Variants in IL1R2 observed in about 807,000 individuals in gnomAD.
The protein encoded by IL1R2 is interleukin 1 receptor type 2, also known as interleukin-1 receptor type 2.
IL1R2 carries 46 observed loss-of-function variants against 39.5 expected under a neutral mutation model. The ratio of observed to expected loss-of-function variants is 1.16; its 90% CI spans 0.92 to 1.49. The LOEUF (loss-of-function observed/expected upper bound fraction) is 1.49, where lower values mean the gene tolerates loss of function less well. Among genes scored for constraint, IL1R2 ranks in the 40% most tolerant of loss-of-function variants. The probability of loss-of-function intolerance (pLI) is 0.00; values close to 1 mark genes in which losing one functional copy is unlikely to be tolerated. For missense variants in IL1R2, 537 were observed against 502.0 expected (o/e 1.07, Z -0.67); for synonymous variants, 207 against 189.6 (o/e 1.09, Z -0.75).
Position 102,009,543 on chromosome 2 carries a change from TG to T in IL1R2, c.68-16del. On this transcript the variant is annotated intron_variant, in intron 2 of 8. Coordinates refer to ENST00000332549, the MANE Select transcript of IL1R2 (RefSeq NM_004633.4). ...AAGTTTTGGACCCAAAGCCTGACCA[TG>T]GGCTCTCTGTCCTTCAGGGGCTGCC... The T allele has an allele frequency of 1.2e-6, 2 of 1,611,332 alleles. No homozygotes were observed. Among genetic ancestry groups the T allele is most frequent in the Non-Finnish European group, 1.7e-6 (2 of 1,178,370 alleles).
At chr2:102,021,608 C>T (rs942501262) in intron 5 of IL1R2, among the ~76,000 whole-genome samples, 1 of 152,220 alleles carries the variant, frequency 6.6e-6, no homozygotes, top group African/African-American at 2.4e-5. Flanking sequence ...GCCACTGCAC[C>T]CGGCCACCTC....
chr2:101,992,863 C>G (rs1379512041), intron 1 of IL1R2, among the ~76,000 whole-genome samples: 2 of 152,168 alleles, frequency 1.3e-5, no homozygotes, highest in Non-Finnish European at 2.9e-5. Flanking sequence ...GGAACCTGAT[C>G]CGGGTGACCT....
intron 4 of IL1R2, among the ~76,000 whole-genome samples, chr2:102,018,775 C>G (rs1677170409): frequency 6.6e-6 from 1 of 152,186 alleles, no homozygotes; most frequent in Non-Finnish European, 1.5e-5. Flanking sequence ...CCATACACCA[C>G]TGGAATGACT....
intron 1 of IL1R2, among the ~76,000 whole-genome samples, chr2:101,997,884 T>A (rs1675667849): frequency 6.6e-6 from 1 of 152,206 alleles, no homozygotes; most frequent in African/African-American, 2.4e-5. Context: ...GCCTGCCTGA[T>A]TCCTCTTGTA....
chr2:102,008,408 G>C lies in IL1R2; in HGVS notation c.-61-107G>C, dbSNP rs114940106. ...GTTCTTAAACAGAGTAGGCCAAAAG[G>C]TTCCCATTATCCAGTGAAGCTTCCA... On this transcript the variant is annotated intron_variant, in intron 1 of 8. Coordinates refer to ENST00000332549, the MANE Select transcript of IL1R2 (RefSeq NM_004633.4). 2.9e-3 allele frequency: 1,814 copies of C among 629,072 alleles called. 24 individuals carry two copies. The African/African-American group carries it at 0.03, about 10-fold the overall frequency. 39.0% of individuals were successfully genotyped at this position (629,072 alleles called of 1,614,324 possible).
intron 3 of IL1R2, among the ~76,000 whole-genome samples, chr2:102,011,744 G>A (rs958606070): frequency 6.6e-6 from 1 of 152,122 alleles, no homozygotes; most frequent in African/African-American, 2.4e-5. Context: ...TTACACAAAA[G>A]GTTTTAATTT....
chr2:102,007,482 C>CA (rs1248365222), intron 1 of IL1R2, among the ~76,000 whole-genome samples: 7 of 151,982 alleles, frequency 4.6e-5, no homozygotes, highest in Non-Finnish European at 8.8e-5. Flanking sequence ...TTCATTCATT[C>CA]AAAAAATGAG....
intron 5 of IL1R2, among the ~76,000 whole-genome samples, chr2:102,020,678 C>T (rs1300584717): frequency 6.6e-6 from 1 of 152,206 alleles, no homozygotes; most frequent in East Asian, 1.9e-4. Context: ...TTTTACAGTC[C>T]TGTGAGGATT....
intron 1 of IL1R2, among the ~76,000 whole-genome samples, chr2:101,993,163 A>G (rs1675429783): frequency 6.6e-6 from 1 of 151,838 alleles, no homozygotes; most frequent in African/African-American, 2.4e-5. Flanking sequence ...TTGATATTCT[A>G]AAGTCACTGT....
chr2:102,000,678 G>A (rs1055288907), intron 1 of IL1R2, among the ~76,000 whole-genome samples: 1 of 152,198 alleles, frequency 6.6e-6, no homozygotes, highest in Non-Finnish European at 1.5e-5. Flanking sequence ...GGCCCCTCTA[G>A]CTCCAGGTGT....
intron 3 of IL1R2, among the ~76,000 whole-genome samples, chr2:102,013,725 T>G (rs1293369867): frequency 6.6e-6 from 1 of 152,076 alleles, no homozygotes; most frequent in Non-Finnish European, 1.5e-5. Flanking sequence ...TTGCAGACAG[T>G]TAGGGACTTA....
intron 3 of IL1R2, among the ~76,000 whole-genome samples, chr2:102,011,235 GTTC>G (rs1676611276): frequency 6.6e-6 from 1 of 152,106 alleles, no homozygotes; most frequent in Non-Finnish European, 1.5e-5. Flanking sequence ...TCTGCTTTCA[GTTC>G]TTCTGGGTAT....
At chr2:101,995,593 T>C (rs1490057413) in intron 1 of IL1R2, among the ~76,000 whole-genome samples, 1 of 152,216 alleles carries the variant, frequency 6.6e-6, no homozygotes, top group Non-Finnish European at 1.5e-5. Flanking sequence ...GAGTCTGTGC[T>C]GGTGTGTTAC....
chr2:102,017,873 T>G lies in IL1R2; in HGVS notation c.514-1765T>G, dbSNP rs140763440. On this transcript the variant is annotated intron_variant, in intron 4 of 8. Transcript: ENST00000332549. ...TTTCCTGAAAACATTGGTCAACTCC[T>G]GATAGAGACCCTAGATTGATACTGA... is the stretch of plus-strand genomic sequence containing the variant. Among the ~76,000 whole-genome samples the G allele has an allele frequency of 8.4e-3, 1,283 of 152,318 alleles. 19 individuals carry two copies. Among genetic ancestry groups the G allele is most frequent in the African/African-American group, 0.03 (1,228 of 41,558 alleles).
intron 7 of IL1R2, among the ~76,000 whole-genome samples, chr2:102,025,193 A>G (rs1474409909): frequency 6.6e-6 from 1 of 152,222 alleles, no homozygotes; most frequent in Non-Finnish European, 1.5e-5. Flanking sequence ...GACTCGAACA[A>G]TCAGACCTTT....
chr2:102,006,673 G>A (rs945631389), intron 1 of IL1R2, among the ~76,000 whole-genome samples: 3 of 152,204 alleles, frequency 2.0e-5, no homozygotes, highest in Non-Finnish European at 2.9e-5. Flanking sequence ...AGTATTCCCC[G>A]GTATGTTCTA....
At chr2:102,002,847 TGTCTGTGTCTAGGTCTAG>T (rs1343501253) in intron 1 of IL1R2, among the ~76,000 whole-genome samples, 6 of 152,004 alleles carry the variant, frequency 3.9e-5, no homozygotes, top group African/African-American at 1.5e-4. Flanking sequence ...TCTGTGTCTA[TGTCTGTGTCTAGGTCTAG>T]GTCTGTGTCT....
intron 1 of IL1R2, among the ~76,000 whole-genome samples, chr2:101,992,302 GAGACAGAGAA>G (rs1032736096): frequency 2.0e-5 from 3 of 151,480 alleles, no homozygotes; most frequent in African/African-American, 7.3e-5. Flanking sequence ...GAGACAGAGA[GAGACAGAGAA>G]AGACAGAGAC....
At chr2:102,021,225 G>A (rs1465374281) in intron 5 of IL1R2, among the ~76,000 whole-genome samples, 1 of 151,988 alleles carries the variant, frequency 6.6e-6, no homozygotes, top group Non-Finnish European at 1.5e-5. Flanking sequence ...GGCCCGTCGT[G>A]GAGACAACTC....
Sources: allele counts gnomAD v4.1 joint callset (sites outside exome capture counted in the v4.1 genomes callset), GRCh38; gene constraint gnomAD v4.1.1; transcripts MANE v1.5; gene names NCBI Gene and HGNC (gene_info 2026-07-23, HGNC 2026-07-21).